The following RABGAP1L variants were observed in gnomAD, a reference collection of about 807,000 sequenced individuals.
The protein encoded by RABGAP1L is rab GTPase-activating protein 1-like.
In RABGAP1L, 63 loss-of-function variants were observed where a neutral mutation model predicts 137.7. The observed-to-expected ratio is 0.46, with a 90% confidence interval of 0.37 to 0.56. The LOEUF (loss-of-function observed/expected upper bound fraction) is 0.56. RABGAP1L is among the 20% of genes least tolerant of loss of function. The pLI, the probability that RABGAP1L is intolerant of heterozygous loss-of-function variation, is 0.00. For missense variants in RABGAP1L, 1,095 were observed against 1,244.0 expected (o/e 0.88, Z 1.80); for synonymous variants, 431 against 433.7 (o/e 0.99, Z 0.08).
intron 13 of RABGAP1L, among the ~76,000 whole-genome samples, chr1:174,568,508 A>C (rs1667733522): frequency 6.6e-6 from 1 of 152,200 alleles, no homozygotes; most frequent in Non-Finnish European, 1.5e-5. Context: ...TTTGGTGGTT[A>C]CCATTTTTTA....
intron 17 of RABGAP1L, 111 bp downstream of exon 17, chr1:174,702,367 C>T: frequency 1.2e-6 from 1 of 815,598 alleles, no homozygotes; most frequent in South Asian, 3.1e-5. Flanking sequence ...CATAAATACT[C>T]ACTGACCAAA....
At chr1:174,628,773 A>G (rs746543948) in intron 13 of RABGAP1L, among the ~76,000 whole-genome samples, 1 of 152,220 alleles carries the variant, frequency 6.6e-6, no homozygotes, top group Non-Finnish European at 1.5e-5. Context: ...TCTAGATATT[A>G]GTGAAGTGGC....
chr1:174,330,772 A>G (rs890307793), intron 11 of RABGAP1L, among the ~76,000 whole-genome samples: 2 of 152,216 alleles, frequency 1.3e-5, no homozygotes, highest in Admixed American at 1.3e-4. Context: ...ACCCAAAGCA[A>G]TCTACAGATT....
At chr1:174,177,328 T>A (rs1171403567) in intron 1 of RABGAP1L, among the ~76,000 whole-genome samples, 1 of 152,140 alleles carries the variant, frequency 6.6e-6, no homozygotes, top group Non-Finnish European at 1.5e-5. Context: ...GATGGGATTG[T>A]TTGTTTTTTT....
At chr1:174,272,613 T>G (rs1394230688) in intron 8 of RABGAP1L, 133 bp downstream of exon 8, 13 of 1,185,110 alleles carry the variant, frequency 1.1e-5, no homozygotes, top group Admixed American at 8.0e-5. Context: ...AATAATTAAA[T>G]TTGGAAACGC....
chr1:174,349,782 G>A (rs1682910289), intron 11 of RABGAP1L, among the ~76,000 whole-genome samples: 3 of 119,904 alleles, frequency 2.5e-5, no homozygotes, highest in South Asian at 2.7e-4. Flanking sequence ...GGGCAGAGGG[G>A]CTCCTCACTT....
intron 1 of RABGAP1L, among the ~76,000 whole-genome samples, chr1:174,184,935 CTACTT>C (rs1215205249): frequency 1.3e-5 from 2 of 152,144 alleles, no homozygotes; most frequent in South Asian, 2.1e-4. Flanking sequence ...CTAGCGATGT[CTACTT>C]TATTTAAGAA....
chr1:174,816,779 T>C (rs1690462835), intron 19 of RABGAP1L, among the ~76,000 whole-genome samples: 1 of 148,252 alleles, frequency 6.7e-6, no homozygotes, highest in Non-Finnish European at 1.5e-5. Flanking sequence ...GTCACCAGGC[T>C]GGAATGCAAT....
In RABGAP1L at chr1:174,375,771, A is replaced by C. The variant is rs529075910; in HGVS notation, c.1559+4699A>C. Among the ~76,000 whole-genome samples the C allele has an allele frequency of 6.8e-4, 104 of 152,266 alleles. 1 individual carries two copies. The highest frequency in any genetic ancestry group is 2.3e-3 in the African/African-American group (95 of 41,558). The stretch of plus-strand genomic sequence containing the variant: ...GGCAAATTCTACCAAATATTTAAGA[A>C]AAAAATAATAAGACTGGGCACAGTG... On this transcript the variant is annotated intron_variant, in intron 12 of 25. Coordinates refer to ENST00000681986, the MANE Select transcript of RABGAP1L (RefSeq NM_001366446.1).
At chr1:174,684,458 ATTGTAC>A (rs1678311157) in intron 15 of RABGAP1L, among the ~76,000 whole-genome samples, 2 of 152,322 alleles carry the variant, frequency 1.3e-5, no homozygotes, top group South Asian at 4.1e-4. Flanking sequence ...TACTATAGCA[ATTGTAC>A]ACGGGGAGTG....
At chr1:174,684,184 T>C (rs1678293405) in intron 15 of RABGAP1L, among the ~76,000 whole-genome samples, 1 of 152,186 alleles carries the variant, frequency 6.6e-6, no homozygotes, top group South Asian at 2.1e-4. Context: ...TACATACTCA[T>C]TAAATAACTT....
chr1:174,376,845 A>G (rs1056411987), intron 12 of RABGAP1L, among the ~76,000 whole-genome samples: 2 of 152,174 alleles, frequency 1.3e-5, no homozygotes, highest in African/African-American at 4.8e-5. Flanking sequence ...TAGAGGTCTT[A>G]GCAAGTGTAA....
intron 19 of RABGAP1L, among the ~76,000 whole-genome samples, chr1:174,955,362 A>G (rs1449843862): frequency 6.6e-6 from 1 of 152,232 alleles, no homozygotes; most frequent in African/African-American, 2.4e-5. Context: ...TGAGAAGCAG[A>G]TAATTCTAGT....
chr1:174,567,249 T>G (rs953793479), intron 13 of RABGAP1L, among the ~76,000 whole-genome samples: 1 of 152,194 alleles, frequency 6.6e-6, no homozygotes, highest in African/African-American at 2.4e-5. Flanking sequence ...TTCTAAGTAC[T>G]TCATATAGGT....
chr1:174,414,882 A>T (rs2149141952), intron 13 of RABGAP1L, among the ~76,000 whole-genome samples: 1 of 151,806 alleles, frequency 6.6e-6, no homozygotes, highest in East Asian at 1.9e-4. Context: ...CTAGTTTCCT[A>T]GTTTTTACTG....
rs1396890766 is a variant in RABGAP1L at position 174,272,941 on chromosome 1, G to A, written c.1053+461G>A. ...CCTTAGCAAAGTACACTTATACTAG[G>A]AGTAATATTTATTTAAGGAATGTCC... On this transcript the variant is annotated intron_variant, in intron 8 of 25. Coordinates refer to ENST00000681986, the MANE Select transcript of RABGAP1L (RefSeq NM_001366446.1). Among the ~76,000 whole-genome samples, 2 of 151,846 alleles carry A rather than the reference G, an allele frequency of 1.3e-5. 1 individual carries two copies.
intron 13 of RABGAP1L, among the ~76,000 whole-genome samples, chr1:174,597,160 A>G (rs1308612605): frequency 1.3e-5 from 2 of 152,114 alleles, no homozygotes; most frequent in African/African-American, 4.8e-5. Flanking sequence ...TTCGTCAGAA[A>G]TGTTGGCCTG....
intron 13 of RABGAP1L, among the ~76,000 whole-genome samples, chr1:174,618,234 A>C (rs1478312457): frequency 6.6e-6 from 1 of 152,180 alleles, no homozygotes; most frequent in Non-Finnish European, 1.5e-5. Context: ...TAGCCAAACA[A>C]AAGGCAGCAG....
At chr1:174,929,953 T>G (rs1573876408) in intron 19 of RABGAP1L, among the ~76,000 whole-genome samples, 1 of 149,120 alleles carries the variant, frequency 6.7e-6, no homozygotes, top group Admixed American at 6.7e-5. Context: ...TGGGCTCAAG[T>G]GATCCTCCCA....
Sources: allele counts gnomAD v4.1 joint callset (sites outside exome capture counted in the v4.1 genomes callset), GRCh38; gene constraint gnomAD v4.1.1; transcripts MANE v1.5; gene names NCBI Gene and HGNC (gene_info 2026-07-23, HGNC 2026-07-21).